Variants in CENPL observed in about 807,000 individuals in gnomAD.
CENPL encodes the protein interphase centromere complex protein 33.
CENPL carries 20 observed loss-of-function variants against 35.2 expected under a neutral mutation model. That is an observed-to-expected ratio of 0.57 (90% CI 0.40 to 0.83). The LOEUF is 0.83. Among genes scored for constraint, CENPL ranks in the 40% least tolerant of loss-of-function variants. The pLI, the probability that CENPL is intolerant of heterozygous loss-of-function variation, is 0.00. For missense variants in CENPL, 363 were observed against 395.8 expected (o/e 0.92, Z 0.70); for synonymous variants, 140 against 140.6 (o/e 1.00, Z 0.03).
At chr1:173,810,441 C>G (rs1180283661) in intron 3 of CENPL, among the ~76,000 whole-genome samples, 3 of 151,972 alleles carry the variant, frequency 2.0e-5, no homozygotes, top group African/African-American at 7.3e-5. Flanking sequence ...ATGAAATAAT[C>G]TGTACAACCA....
chr1:173,808,532 A>G lies in CENPL; in HGVS notation c.169-1014T>C, dbSNP rs531009561. On this transcript the variant is annotated intron_variant, in intron 3 of 5. Transcript: ENST00000682279. ...GAGTTATCTCAGTTGATTGTTCACA[A>G]TCAGTTATAGATCAAACTCCTTGTT... 12 of 152,036 alleles carry G rather than the reference A, an allele frequency of 7.9e-5. No homozygotes were observed. The East Asian group carries it at 2.1e-3, about 27-fold the overall frequency. 9.4% of individuals were successfully genotyped at this position (152,036 alleles called of 1,614,324 possible). A position where few individuals can be genotyped will look rare whatever the true frequency, so the allele number is the denominator to read the frequency against.
Position 173,800,023 on chromosome 1 carries a change from C to T in CENPL, c.*425G>A, listed in dbSNP as rs192931239. 4.4e-3 allele frequency: 676 copies of T among 152,846 alleles called. 4 individuals are homozygous for T. Among genetic ancestry groups the T allele is most frequent in the African/African-American group, 0.015 (635 of 41,558 alleles). 9.5% of individuals were successfully genotyped at this position (152,846 alleles called of 1,614,324 possible). A position where few individuals can be genotyped will look rare whatever the true frequency, so the allele number is the denominator to read the frequency against. On this transcript the variant is annotated 3_prime_UTR_variant, in exon 6 of 6. Coordinates refer to ENST00000682279, the MANE Select transcript of CENPL (RefSeq NM_001387287.1). Reference sequence around the variant, plus strand: ...CATAGGCATGTGCCACCACGCCCAGCTAATTATTGTATTTTCAGTAGAGAA... The same window carrying T: ...CATAGGCATGTGCCACCACGCCCAGTTAATTATTGTATTTTCAGTAGAGAA...
rs377503187 is a variant in CENPL, at chr1:173,811,246, T to C, written c.54A>G (p.Glu18=). 20 of 1,613,112 alleles carry C rather than the reference T, an allele frequency of 1.2e-5. 1 individual carries two copies. In the African/African-American group the frequency reaches 1.3e-4, roughly 11 times the overall value. The change falls in exon 3 of 6, where the codon GAA becomes GAG. Residue 18 remains glutamate, a synonymous_variant. Transcript: ENST00000682279. ...ESTPSASSRP[E]DYFIGATPLQ... Reference sequence around the variant, plus strand: ...GAGGAGTGGCACCTATAAAGTAATCTTCAGGTCTTGAGGATGCACTAGGAG... The same window carrying C: ...GAGGAGTGGCACCTATAAAGTAATCCTCAGGTCTTGAGGATGCACTAGGAG...
chr1:173,819,848 T>G (rs1252248560), intron 2 of CENPL, among the ~76,000 whole-genome samples: 2 of 147,216 alleles, frequency 1.4e-5, no homozygotes, highest in Non-Finnish European at 3.0e-5. Context: ...CCCGCTACCA[T>G]GCCTGGCTAA....
intron 3 of CENPL, among the ~76,000 whole-genome samples, chr1:173,808,145 C>A (rs12061237): frequency 6.6e-6 from 1 of 152,054 alleles, no homozygotes; most frequent in African/African-American, 2.4e-5. Context: ...CAGTGGCTGA[C>A]GACTGTAATC....
At chr1:173,810,036 G>C (rs969426951) in intron 3 of CENPL, among the ~76,000 whole-genome samples, 2 of 152,058 alleles carry the variant, frequency 1.3e-5, no homozygotes, top group Non-Finnish European at 2.9e-5. Flanking sequence ...ATATAAATCA[G>C]TCTACCATAA....
chr1:173,813,747 C>T (rs1651075298), intron 2 of CENPL, among the ~76,000 whole-genome samples: 1 of 152,136 alleles, frequency 6.6e-6, no homozygotes, highest in Non-Finnish European at 1.5e-5. Flanking sequence ...ATCATCAATG[C>T]TAGGAAGAAA....
At chr1:173,805,419 G>GA (rs1184425077) in intron 4 of CENPL, among the ~76,000 whole-genome samples, 3 of 151,722 alleles carry the variant, frequency 2.0e-5, no homozygotes, top group African/African-American at 7.3e-5. Flanking sequence ...GGGGGCTGAG[G>GA]AGGGAGGACT....
intron 2 of CENPL, among the ~76,000 whole-genome samples, chr1:173,818,492 C>T (rs1651631523): frequency 6.6e-6 from 1 of 152,166 alleles, no homozygotes; most frequent in African/African-American, 2.4e-5. Context: ...CCTTTAAGAC[C>T]ATGCTAGAAA....
chr1:173,800,412 A>G lies in CENPL; in HGVS notation c.*36T>C, dbSNP rs754888286. On this transcript the variant is annotated 3_prime_UTR_variant, in exon 6 of 6. Coordinates refer to ENST00000682279, the MANE Select transcript of CENPL (RefSeq NM_001387287.1). ...AGCAATTAGGCAAGTTATCAATAAG[A>G]GTATATAATCTATAACTTATAGTCC... is the stretch of plus-strand genomic sequence containing the variant. 5.0e-6 allele frequency: 4 copies of G among 807,876 alleles called. No homozygotes were observed. Among genetic ancestry groups the G allele is most frequent in the Non-Finnish European group, 8.4e-6 (4 of 474,600 alleles). The allele number at this position is 807,876 out of a possible 1,614,324, so 50.0% of individuals were successfully genotyped here. A position where few individuals can be genotyped will look rare whatever the true frequency, so the allele number is the denominator to read the frequency against.
intron 2 of CENPL, among the ~76,000 whole-genome samples, chr1:173,813,108 GA>G (rs1234176725): frequency 1.3e-5 from 2 of 152,190 alleles, no homozygotes; most frequent in African/African-American, 4.8e-5. Flanking sequence ...AATAAAGCGA[GA>G]AGACAAAGTT....
chr1:173,819,557 C>A (rs1346786452), intron 2 of CENPL, among the ~76,000 whole-genome samples: 1 of 152,116 alleles, frequency 6.6e-6, no homozygotes, highest in Non-Finnish European at 1.5e-5. Flanking sequence ...CCACTGCACT[C>A]CAGCCTGGGT....
At chr1:173,812,105 C>T (rs953944652) in intron 2 of CENPL, among the ~76,000 whole-genome samples, 8 of 150,472 alleles carry the variant, frequency 5.3e-5, no homozygotes, top group African/African-American at 1.5e-4. Context: ...ACAGCAGCCT[C>T]GTGGTGGGGA....
intron 5 of CENPL, among the ~76,000 whole-genome samples, chr1:173,801,153 AATCT>A (rs111662998): frequency 0.09 from 13,755 of 152,068 alleles, 1,994 homozygotes; most frequent in African/African-American, 0.31. Flanking sequence ...TCCTCTTGAT[AATCT>A]ATCTTGCTTG....
intron 2 of CENPL, among the ~76,000 whole-genome samples, chr1:173,818,148 T>C (rs1026447971): frequency 2.6e-5 from 4 of 152,080 alleles, no homozygotes; most frequent in African/African-American, 9.7e-5. Flanking sequence ...GAACTTAAAG[T>C]ATAATTTAAA....
intron 2 of CENPL, chr1:173,822,166 T>A (rs890130953): frequency 1.1e-4 from 17 of 152,188 alleles, no homozygotes; most frequent in African/African-American, 3.9e-4. Flanking sequence ...TTACTAGAAA[T>A]CTTCAGCAAT....
At position 173,807,322 on chromosome 1, in the gene CENPL, G is replaced by GA. The variant is rs1359644753; in HGVS notation, c.364dup (p.Ser122PhefsTer29). 3.7e-6 allele frequency: 6 copies of GA among 1,613,534 alleles called. No homozygotes were observed. The highest frequency in any genetic ancestry group is 1.1e-5 in the South Asian group (1 of 91,036). ...TGTTCCTTTCATTCCTAGGAGAGTA[G>GA]AAAAAATCACTTTGATGTTGAAGTC... On this transcript the variant is annotated frameshift_variant, in exon 4 of 6. Coordinates refer to ENST00000682279, the MANE Select transcript of CENPL (RefSeq NM_001387287.1). LOFTEE classifies it high-confidence loss of function.
At chr1:173,810,073 C>A (rs1003223965) in intron 3 of CENPL, among the ~76,000 whole-genome samples, 7 of 152,158 alleles carry the variant, frequency 4.6e-5, no homozygotes, top group Non-Finnish European at 8.8e-5. Flanking sequence ...ACACTCACTG[C>A]AGCACTATTC....
At chr1:173,818,475 C>T (rs1557849068) in intron 2 of CENPL, among the ~76,000 whole-genome samples, 1 of 152,196 alleles carries the variant, frequency 6.6e-6, no homozygotes, top group African/African-American at 2.4e-5. Context: ...CTTTTCCCAT[C>T]TCACCTCCTT....
Sources: gnomAD v4.1 joint callset for allele counts (sites outside exome capture counted in the v4.1 genomes callset) on GRCh38, gnomAD v4.1.1 for gene constraint, MANE v1.5 for transcripts, NCBI Gene and HGNC (gene_info 2026-07-23, HGNC 2026-07-21) for gene names.